The following TRIM71 variants were observed in gnomAD, a reference collection of about 807,000 sequenced individuals.
The protein encoded by TRIM71 is tripartite motif containing 71.
A neutral mutation model predicts 61.2 loss-of-function variants in TRIM71; 9 were observed. That is an observed-to-expected ratio of 0.15 (90% CI 0.09 to 0.26). The LOEUF (loss-of-function observed/expected upper bound fraction) is 0.26. TRIM71 is among the 10% of genes least tolerant of loss of function. The pLI, the probability that TRIM71 is intolerant of heterozygous loss-of-function variation, is 1.00. For missense variants in TRIM71, 998 were observed against 1,238.7 expected (o/e 0.81, Z 2.92); for synonymous variants, 645 against 553.2 (o/e 1.17, Z -2.33).
chr3:32,886,897 C>T (rs770805347), intron 3 of TRIM71, among the ~76,000 whole-genome samples: 28 of 152,328 alleles, frequency 1.8e-4, no homozygotes, highest in Non-Finnish European at 3.5e-4. Context: ...AACTTCACAA[C>T]TGGATGGATG....
chr3:32,884,390 G>A (rs1390954646), intron 2 of TRIM71, among the ~76,000 whole-genome samples: 2 of 152,078 alleles, frequency 1.3e-5, no homozygotes, highest in Non-Finnish European at 2.9e-5. Flanking sequence ...GTATGATGAT[G>A]CCATCTATAT....
intron 1 of TRIM71, among the ~76,000 whole-genome samples, chr3:32,869,723 T>C (rs1696775943): frequency 6.6e-6 from 1 of 152,224 alleles, no homozygotes; most frequent in African/African-American, 2.4e-5. Context: ...CTCACATTCC[T>C]AGGTCTTTGT....
At chr3:32,877,867 T>G (rs997798413) in intron 2 of TRIM71, among the ~76,000 whole-genome samples, 2 of 152,112 alleles carry the variant, frequency 1.3e-5, no homozygotes, top group African/African-American at 4.8e-5. Flanking sequence ...CCCATTAGGG[T>G]TGGGATCAGC....
At chr3:32,842,132 C>T (rs369174886) in intron 1 of TRIM71, among the ~76,000 whole-genome samples, 19 of 152,346 alleles carry the variant, frequency 1.2e-4, no homozygotes, top group African/African-American at 4.3e-4. Context: ...TGCTGGTCCT[C>T]ATATGCTGAG....
intron 1 of TRIM71, among the ~76,000 whole-genome samples, chr3:32,865,091 A>T (rs1279399934): frequency 6.6e-6 from 1 of 152,084 alleles, no homozygotes; most frequent in East Asian, 1.9e-4. Context: ...GCACTTTGGG[A>T]GGCCGAGGCA....
rs113638525 is a variant in TRIM71, at chr3:32,868,636, CT to C, written c.853-5170del. ...AAACTAAGTTACGCCTAGAATAAAGCTTTTTTTTTTTTCATGGTTAAAGTGG... is the reference window on the plus strand; with the variant it reads ...AAACTAAGTTACGCCTAGAATAAAGCTTTTTTTTTTTCATGGTTAAAGTGG... On this transcript the variant is annotated intron_variant, in intron 1 of 3. Transcript: ENST00000383763. Among the ~76,000 whole-genome samples the C allele has an allele frequency of 3.3e-3, 445 of 133,794 alleles. 2 individuals carry two copies. Among genetic ancestry groups the C allele is most frequent in the African/African-American group, 3.7e-3 (135 of 36,730 alleles). The allele number at this position is 133,794 out of a possible 152,430, so 87.8% of individuals were successfully genotyped here. A position where few individuals can be genotyped will look rare whatever the true frequency, so the allele number is the denominator to read the frequency against.
rs200258990 is a variant in TRIM71, at chr3:32,885,058, C to A, written c.1021-876C>A. 3.7e-3 allele frequency among the ~76,000 whole-genome samples: 559 copies of A among 152,198 alleles called. 6 individuals carry two copies. The highest frequency in any genetic ancestry group is 0.013 in the African/African-American group (531 of 41,524). ...GTCCCAGTTTTAGCATTGAAAGTCC[C>A]ACATCCCAGAAACCCCTCAGTACAG... On this transcript the variant is annotated intron_variant, in intron 2 of 3. Coordinates refer to ENST00000383763, the MANE Select transcript of TRIM71 (RefSeq NM_001039111.3).
At chr3:32,845,503 A>G (rs1696460488) in intron 1 of TRIM71, among the ~76,000 whole-genome samples, 1 of 152,264 alleles carries the variant, frequency 6.6e-6, no homozygotes, top group African/African-American at 2.4e-5. Context: ...CGGGTTTGCA[A>G]GGAGTCTTCA....
At chr3:32,847,656 C>G (rs1279521583) in intron 1 of TRIM71, among the ~76,000 whole-genome samples, 1 of 152,226 alleles carries the variant, frequency 6.6e-6, no homozygotes, top group African/African-American at 2.4e-5. Flanking sequence ...TACACATTGA[C>G]TATCTGTCTT....
At chr3:32,847,205 T>C (rs1201847134) in intron 1 of TRIM71, among the ~76,000 whole-genome samples, 1 of 150,120 alleles carries the variant, frequency 6.7e-6, no homozygotes, top group Non-Finnish European at 1.5e-5. Context: ...TTTTTTTTTT[T>C]TTTTTTTTGA....
At chr3:32,872,107 G>A (rs756402199) in intron 1 of TRIM71, among the ~76,000 whole-genome samples, 16 of 152,072 alleles carry the variant, frequency 1.1e-4, no homozygotes, top group Non-Finnish European at 2.2e-4. Flanking sequence ...AGATCGCGTC[G>A]CCACTGCACT....
In TRIM71 at chr3:32,885,940, A is replaced by C. The variant is rs1038669766; in HGVS notation, c.1027A>C (p.Ile343Leu). The C allele has an allele frequency of 3.1e-6, 5 of 1,611,734 alleles. No individual in the cohort carries two copies. The Admixed American group carries it at 5.1e-5, about 16-fold the overall frequency. ...TTTCTTTTTGGTTTTCCAGCTGAGC[A>C]TCGAGCAGGCCCAGACGGTGGCGGA... The part of the protein sequence containing the change: ...QQGRQAIQLS[I>L]EQAQTVAEQV... Residue 343 changes from isoleucine (I) to leucine (L), a missense_variant, in exon 3 of 4, where the codon ATC becomes CTC. Transcript: ENST00000383763.
At chr3:32,850,987 T>C (rs1696532513) in intron 1 of TRIM71, among the ~76,000 whole-genome samples, 1 of 152,182 alleles carries the variant, frequency 6.6e-6, no homozygotes, top group South Asian at 2.1e-4. Context: ...ATACACAAAA[T>C]GAAAAACAAA....
chr3:32,871,007 C>A (rs1009348520), intron 1 of TRIM71, among the ~76,000 whole-genome samples: 18 of 148,936 alleles, frequency 1.2e-4, no homozygotes, highest in African/African-American at 4.5e-4. Context: ...CCCAAGTGTT[C>A]CTCTAGCCTC....
chr3:32,829,505 T>C (rs35494592), intron 1 of TRIM71, among the ~76,000 whole-genome samples: 28,839 of 151,972 alleles, frequency 0.19, 2,839 homozygotes, highest in Middle Eastern at 0.3. Flanking sequence ...AGCCAAGATA[T>C]TGTGTGGGGG....
chr3:32,893,189 C>G lies in TRIM71; in HGVS notation c.*1378C>G, dbSNP rs373869941. 6.6e-6 allele frequency: 1 copy of G among 151,372 alleles called. No homozygotes were observed. Among genetic ancestry groups the G allele is most frequent in the East Asian group, 1.9e-4 (1 of 5,172 alleles). 9.4% of individuals were successfully genotyped at this position (151,372 alleles called of 1,614,324 possible). A position where few individuals can be genotyped will look rare whatever the true frequency, so the allele number is the denominator to read the frequency against. On this transcript the variant is annotated 3_prime_UTR_variant, in exon 4 of 4. Coordinates refer to ENST00000383763, the MANE Select transcript of TRIM71 (RefSeq NM_001039111.3). ...ACCTCATGGTTAACATGAATCCCCC[C>G]GCCCCCTCTCCCCCCAAGGCCTTTG...
chr3:32,818,823 C>T lies in TRIM71; in HGVS notation c.743C>T (p.Ala248Val). The change falls in exon 1 of 4, where the codon GCA becomes GTA. Residue 248 changes from alanine to valine, a missense_variant. Physicochemically the swap from Ala to Val is moderately conservative, Grantham distance 64 (BLOSUM62 0). Around this residue, in one of 5 missense-constraint regions of TRIM71, gnomAD observed 527 missense variants for 427.8 expected, o/e 1.23. Coordinates refer to ENST00000383763, the MANE Select transcript of TRIM71 (RefSeq NM_001039111.3). ...IERGPPGPGA[A>V]AAAQQLGLGP... is the part of the protein sequence containing the mutation. ...CGCGGCCCGCCGGGTCCCGGTGCCG[C>T]AGCAGCGGCGCAGCAGCTCGGGCTC... The T allele has an allele frequency of 1.2e-6, 2 of 1,610,798 alleles. No individual in the cohort carries two copies. The highest frequency in any genetic ancestry group is 1.1e-5 in the South Asian group (1 of 90,974).
rs571008559 is a variant in TRIM71 at position 32,854,004 on chromosome 3, CA to C, written c.853-19801del. Among the ~76,000 whole-genome samples, 853 of 133,912 alleles carry C rather than the reference CA, an allele frequency of 6.4e-3. 4 individuals are homozygous for C. Among genetic ancestry groups the C allele is most frequent in the Non-Finnish European group, 8.5e-3 (523 of 61,536 alleles). The allele number at this position is 133,912 out of a possible 152,430, so 87.9% of individuals were successfully genotyped here. ...GGGTGACAGAGCGAGACTCCCATCTCAAAAAAAAAAAAAGGAAAGAAAAGTC... is the reference window on the plus strand; with the variant it reads ...GGGTGACAGAGCGAGACTCCCATCTCAAAAAAAAAAAAGGAAAGAAAAGTC... On this transcript the variant is annotated intron_variant, in intron 1 of 3. Transcript: ENST00000383763.
rs74862213 is a variant in TRIM71, at chr3:32,884,098, C to T, written c.1021-1836C>T. On this transcript the variant is annotated intron_variant, in intron 2 of 3. Coordinates refer to ENST00000383763, the MANE Select transcript of TRIM71 (RefSeq NM_001039111.3). ...GTGTGGCACCTAACCACTGGAGTCACGGGTGGTGTGCTTTTTTGTTTTGTT... is the reference window on the plus strand; with the variant it reads ...GTGTGGCACCTAACCACTGGAGTCATGGGTGGTGTGCTTTTTTGTTTTGTT... Among the ~76,000 whole-genome samples the T allele has an allele frequency of 3.4e-3, 519 of 152,196 alleles. 2 individuals carry two copies. The highest frequency in any genetic ancestry group is 0.011 in the African/African-American group (460 of 41,552).
Sources: allele counts gnomAD v4.1 joint callset (sites outside exome capture counted in the v4.1 genomes callset), GRCh38; gene constraint gnomAD v4.1.1; regional missense constraint gnomAD v4.1.1; transcripts MANE v1.5; gene names NCBI Gene and HGNC (gene_info 2026-07-23, HGNC 2026-07-21).